UTP23: variants seen among roughly 807,000 people sequenced by gnomAD.
The protein encoded by UTP23 is UTP23 small subunit processome component.
Under a neutral mutation model 19.8 loss-of-function variants are expected in UTP23, and 10 were observed. That is an observed-to-expected ratio of 0.50 (90% confidence interval 0.31 to 0.86). The LOEUF (loss-of-function observed/expected upper bound fraction) is 0.86, where lower values mean the gene tolerates loss of function less well. Ranked by LOEUF, UTP23 falls within the 40% of genes least tolerant of loss-of-function variation. The pLI is 0.05. For synonymous variants in UTP23, 108 were observed against 105.4 expected (o/e 1.02, Z -0.15); for missense variants, 282 against 293.1 (o/e 0.96, Z 0.28).
chr8:116,773,998 T>C lies in UTP23; in HGVS notation c.*2156T>C. ...CAGAATTATTTGCTTTATTTTTTCA[T>C]ACAACTTGGGGAAGGGAACCATGGG... On this transcript the variant is annotated 3_prime_UTR_variant, in exon 3 of 3. Transcript: ENST00000309822. 1 of 985,386 alleles carries C rather than the reference T, an allele frequency of 1.0e-6. No homozygotes were observed. Among genetic ancestry groups the C allele is most frequent in the Non-Finnish European group, 1.2e-6 (1 of 829,926 alleles). The allele number at this position is 985,386 out of a possible 1,614,324, so 61.0% of individuals were successfully genotyped here.
rs761552267 is a variant in UTP23, at chr8:116,771,636, C to A, written c.544C>A (p.Gln182Lys). 5.0e-6 allele frequency: 8 copies of A among 1,611,200 alleles called. No homozygotes were observed. The highest frequency in any genetic ancestry group is 5.9e-6 in the Non-Finnish European group (7 of 1,179,342). ...KESIKHLKEE[Q>K]GLVKNTEQSR... ...AAGTATCAAACATCTCAAAGAGGAA[C>A]AGGGTTTAGTGAAAAACACTGAACA... The change falls in exon 3 of 3, where the codon CAG becomes AAG. Residue 182 changes from glutamine to lysine, a missense_variant. Physicochemically the swap from Gln to Lys is moderately conservative, Grantham distance 53 (BLOSUM62 1). Coordinates refer to ENST00000309822, the MANE Select transcript of UTP23 (RefSeq NM_032334.3).
Position 116,769,201 on chromosome 8 carries a change from G to A in UTP23, c.189-991G>A, listed in dbSNP as rs576335583. Among the ~76,000 whole-genome samples the A allele has an allele frequency of 2.0e-4, 30 of 152,248 alleles. No homozygotes were observed. The East Asian group carries it at 2.9e-3, about 15-fold the overall frequency. On this transcript the variant is annotated intron_variant, in intron 1 of 2. Coordinates refer to ENST00000309822, the MANE Select transcript of UTP23 (RefSeq NM_032334.3). ...AAAAGATAACTGCAGTGATGTGAAGGGTAAATTGGAGAAACAAGAGAGCAA... is the reference window on the plus strand; with the variant it reads ...AAAAGATAACTGCAGTGATGTGAAGAGTAAATTGGAGAAACAAGAGAGCAA...
chr8:116,772,926 C>T lies in UTP23; in HGVS notation c.*1084C>T. ...GTGAAATCGTATCAGTAGTTCCTGA[C>T]TGACAGCTTCTGGAGCCACACTAGA... On this transcript the variant is annotated 3_prime_UTR_variant, in exon 3 of 3. Coordinates refer to ENST00000309822, the MANE Select transcript of UTP23 (RefSeq NM_032334.3). 3.0e-6 allele frequency: 3 copies of T among 985,422 alleles called. No individual in the cohort carries two copies. The highest frequency in any genetic ancestry group is 3.6e-6 in the Non-Finnish European group (3 of 829,920). The allele number at this position is 985,422 out of a possible 1,614,324, so 61.0% of individuals were successfully genotyped here.
rs1386392735 is a variant in UTP23 at position 116,772,977 on chromosome 8, G to A, written c.*1135G>A. Reference sequence around the variant, plus strand: ...GCAGTGATTCTCAGTCTAACATTAGGTTATCATGATGACGTATGAGTAAAT... The same window carrying A: ...GCAGTGATTCTCAGTCTAACATTAGATTATCATGATGACGTATGAGTAAAT... On this transcript the variant is annotated 3_prime_UTR_variant, in exon 3 of 3. Coordinates refer to ENST00000309822, the MANE Select transcript of UTP23 (RefSeq NM_032334.3). 3.0e-6 allele frequency: 3 copies of A among 985,260 alleles called. No homozygotes were observed. The highest frequency in any genetic ancestry group is 6.1e-5 in the Admixed American group (1 of 16,274). The allele number at this position is 985,260 out of a possible 1,614,324, so 61.0% of individuals were successfully genotyped here.
chr8:116,766,583 C>T lies in UTP23; in HGVS notation c.-21C>T, dbSNP rs749786625. The T allele has an allele frequency of 6.9e-6, 11 of 1,604,554 alleles. No homozygotes were observed. The South Asian group carries it at 1.0e-4, about 15-fold the overall frequency. ...TACTGATGCTTCCTGGTCCGGTGGC[C>T]TCGGTCCCGGTAAGCCAGGCATGAA... On this transcript the variant is annotated 5_prime_UTR_variant, in exon 1 of 3. Transcript: ENST00000309822.
intron 1 of UTP23, among the ~76,000 whole-genome samples, chr8:116,769,681 A>T (rs977874436): frequency 6.6e-6 from 1 of 152,224 alleles, no homozygotes; most frequent in African/African-American, 2.4e-5. Flanking sequence ...CTTATGACTA[A>T]ATGTTTTTTT....
Position 116,772,573 on chromosome 8 carries a change from G to GA in UTP23, c.*734dup. 1.0e-6 allele frequency: 1 copy of GA among 984,930 alleles called. No homozygotes were observed. Among genetic ancestry groups the GA allele is most frequent in the South Asian group, 4.7e-5 (1 of 21,274 alleles). The allele number at this position is 984,930 out of a possible 1,614,324, so 61.0% of individuals were successfully genotyped here. Reference sequence around the variant, plus strand: ...TGAATATTTTACTCTTTGTACATCAGAAACTCAGTATTTTCATTATTATGA... The same window carrying GA: ...TGAATATTTTACTCTTTGTACATCAGAAAACTCAGTATTTTCATTATTATGA... On this transcript the variant is annotated 3_prime_UTR_variant, in exon 3 of 3. Coordinates refer to ENST00000309822, the MANE Select transcript of UTP23 (RefSeq NM_032334.3).
Position 116,772,027 on chromosome 8 carries a change from C to T in UTP23, c.*185C>T, listed in dbSNP as rs1161646136. 7.9e-7 allele frequency: 1 copy of T among 1,270,338 alleles called. No homozygotes were observed. Among genetic ancestry groups the T allele is most frequent in the Non-Finnish European group, 9.9e-7 (1 of 1,007,770 alleles). The allele number at this position is 1,270,338 out of a possible 1,614,324, so 78.7% of individuals were successfully genotyped here. Reference sequence around the variant, plus strand: ...GCAAAACCCCATCTCTACTAAAATACAAAAATTAGCTGGGCATGATGGTGC... The same window carrying T: ...GCAAAACCCCATCTCTACTAAAATATAAAAATTAGCTGGGCATGATGGTGC... On this transcript the variant is annotated 3_prime_UTR_variant, in exon 3 of 3. Transcript: ENST00000309822.
At position 116,766,737 on chromosome 8, in the gene UTP23, T is replaced by C. The variant is rs1266392315; in HGVS notation, c.134T>C (p.Leu45Pro). ...GCGGCGCTGCGGGGCCGCATCCAGCTGCGGGAGCAGCTGCCCCGCTACCTC... is the reference window on the plus strand; with the variant it reads ...GCGGCGCTGCGGGGCCGCATCCAGCCGCGGGAGCAGCTGCCCCGCTACCTC... ...CQAALRGRIQ[L>P]REQLPRYLMG... The change falls in exon 1 of 3, where the codon CTG becomes CCG. Residue 45 changes from leucine to proline, a missense_variant. Transcript: ENST00000309822. 14 of 1,604,458 alleles carry C rather than the reference T, an allele frequency of 8.7e-6. No homozygotes were observed. The highest frequency in any genetic ancestry group is 1.0e-5 in the Non-Finnish European group (12 of 1,175,420).
chr8:116,772,529 G>A lies in UTP23; in HGVS notation c.*687G>A. 3.0e-6 allele frequency: 3 copies of A among 984,766 alleles called. No individual in the cohort carries two copies. Among genetic ancestry groups the A allele is most frequent in the African/African-American group, 1.7e-5 (1 of 57,266 alleles). 61.0% of individuals were successfully genotyped at this position (984,766 alleles called of 1,614,324 possible). ...GAGTGAAATTTTGCCCATTTATACT[G>A]CACCATTTTTCCAGTATATGAATAT... On this transcript the variant is annotated 3_prime_UTR_variant, in exon 3 of 3. Coordinates refer to ENST00000309822, the MANE Select transcript of UTP23 (RefSeq NM_032334.3).
rs1456291968 is a variant in UTP23, at chr8:116,773,584, G to A, written c.*1742G>A. The A allele has an allele frequency of 1.4e-6, 1 of 728,364 alleles. No individual in the cohort carries two copies. Among genetic ancestry groups the A allele is most frequent in the African/African-American group, 1.9e-5 (1 of 51,878 alleles). The allele number at this position is 728,364 out of a possible 1,614,324, so 45.1% of individuals were successfully genotyped here. ...CCCAGCACTTTGGGAGGCCGAGGCTGGCAGATCACAAAATTAAGAGATCAA... is the reference window on the plus strand; with the variant it reads ...CCCAGCACTTTGGGAGGCCGAGGCTAGCAGATCACAAAATTAAGAGATCAA... On this transcript the variant is annotated 3_prime_UTR_variant, in exon 3 of 3. Coordinates refer to ENST00000309822, the MANE Select transcript of UTP23 (RefSeq NM_032334.3).
In UTP23 at chr8:116,771,820, A is replaced by G. The variant is rs757594423; in HGVS notation, c.728A>G (p.Lys243Arg). The G allele has an allele frequency of 1.9e-6, 3 of 1,581,260 alleles. No homozygotes were observed. The highest frequency in any genetic ancestry group is 1.7e-6 in the Non-Finnish European group (2 of 1,171,594). The change falls in exon 3 of 3, where the codon AAG (lysine) becomes AGG (arginine). Residue 243 changes from lysine (K) to arginine (R), a missense_variant. Physicochemically the swap from Lys to Arg is conservative, Grantham distance 26 (BLOSUM62 2). Transcript: ENST00000309822. ...TCTAACCCAAAAGTACTTTCTGAGA[A>G]GCAGAATGCAGAAGGAGAATGAATC... is the stretch of plus-strand genomic sequence containing the variant. The part of the protein sequence containing the change: ...NRSNPKVLSE[K>R]QNAEGE
chr8:116,772,587 T>G lies in UTP23; in HGVS notation c.*745T>G. Reference sequence around the variant, plus strand: ...TTTGTACATCAGAAACTCAGTATTTTCATTATTATGACTAGAGTTTTTTTG... The same window carrying G: ...TTTGTACATCAGAAACTCAGTATTTGCATTATTATGACTAGAGTTTTTTTG... On this transcript the variant is annotated 3_prime_UTR_variant, in exon 3 of 3. Transcript: ENST00000309822. 2 of 984,800 alleles carry G rather than the reference T, an allele frequency of 2.0e-6. No individual in the cohort carries two copies. The highest frequency in any genetic ancestry group is 2.4e-6 in the Non-Finnish European group (2 of 829,320). The allele number at this position is 984,800 out of a possible 1,614,324, so 61.0% of individuals were successfully genotyped here.
At chr8:116,767,134 AGAT>A (rs1355955167) in intron 1 of UTP23, among the ~76,000 whole-genome samples, 1 of 152,240 alleles carries the variant, frequency 6.6e-6, no homozygotes, top group Non-Finnish European at 1.5e-5. Flanking sequence ...TGTAAAATAA[AGAT>A]GATAACTGCT....
chr8:116,768,132 A>T (rs1461568562), intron 1 of UTP23, among the ~76,000 whole-genome samples: 1 of 152,122 alleles, frequency 6.6e-6, no homozygotes, highest in Non-Finnish European at 1.5e-5. Context: ...ACATACGATT[A>T]CTTAATGAAC....
rs1244377788 is a variant in UTP23 at position 116,773,492 on chromosome 8, T to C, written c.*1650T>C. The stretch of plus-strand genomic sequence containing the variant: ...TTTTATGAAGCAGTAATTATAGAAG[T>C]ACTAAAAATTACAATGTATTAGTAA... On this transcript the variant is annotated 3_prime_UTR_variant, in exon 3 of 3. Coordinates refer to ENST00000309822, the MANE Select transcript of UTP23 (RefSeq NM_032334.3). 1.0e-6 allele frequency: 1 copy of C among 984,024 alleles called. No individual in the cohort carries two copies. The highest frequency in any genetic ancestry group is 1.7e-5 in the African/African-American group (1 of 57,186). 61.0% of individuals were successfully genotyped at this position (984,024 alleles called of 1,614,324 possible). A position where few individuals can be genotyped will look rare whatever the true frequency, so the allele number is the denominator to read the frequency against.
chr8:116,773,029 C>T lies in UTP23; in HGVS notation c.*1187C>T, dbSNP rs1263456402. ...CTTAATGGTTAAATGTGAGACAGTT[C>T]ACATTTATTCCCATAGAAATGTCAT... On this transcript the variant is annotated 3_prime_UTR_variant, in exon 3 of 3. Transcript: ENST00000309822. The T allele has an allele frequency of 1.0e-6, 1 of 982,272 alleles. No individual in the cohort carries two copies. Among genetic ancestry groups the T allele is most frequent in the Non-Finnish European group, 1.2e-6 (1 of 829,082 alleles). 60.8% of individuals were successfully genotyped at this position (982,272 alleles called of 1,614,324 possible). A position where few individuals can be genotyped will look rare whatever the true frequency, so the allele number is the denominator to read the frequency against.
intron 2 of UTP23, among the ~76,000 whole-genome samples, chr8:116,771,212 A>G (rs1428023606): frequency 6.6e-6 from 1 of 152,192 alleles, no homozygotes; most frequent in Non-Finnish European, 1.5e-5. Flanking sequence ...ATTAGTTTGT[A>G]ATTTGTGGCT....
In UTP23 at chr8:116,772,870, T is replaced by C. The variant is rs1259667284; in HGVS notation, c.*1028T>C. 1 of 985,414 alleles carries C rather than the reference T, an allele frequency of 1.0e-6. No individual in the cohort carries two copies. The highest frequency in any genetic ancestry group is 1.2e-6 in the Non-Finnish European group (1 of 829,912). 61.0% of individuals were successfully genotyped at this position (985,414 alleles called of 1,614,324 possible). A position where few individuals can be genotyped will look rare whatever the true frequency, so the allele number is the denominator to read the frequency against. Reference sequence around the variant, plus strand: ...GGCCAAAATTAAAATGTTTTTGTACTACAAGATGGAAGTATAAAATTATTG... The same window carrying C: ...GGCCAAAATTAAAATGTTTTTGTACCACAAGATGGAAGTATAAAATTATTG... On this transcript the variant is annotated 3_prime_UTR_variant, in exon 3 of 3. Coordinates refer to ENST00000309822, the MANE Select transcript of UTP23 (RefSeq NM_032334.3).
Sources: gnomAD v4.1 joint callset for allele counts (sites outside exome capture counted in the v4.1 genomes callset) on GRCh38, gnomAD v4.1.1 for gene constraint, MANE v1.5 for transcripts, NCBI Gene and HGNC (gene_info 2026-07-23, HGNC 2026-07-21) for gene names.